The following BCL9L variants were observed in gnomAD, a reference collection of about 807,000 sequenced individuals.
BCL9L encodes the protein BCL9 like.
In BCL9L, 19 loss-of-function variants were observed where a neutral mutation model predicts 99.4. The ratio of observed to expected loss-of-function variants is 0.19; its 90% confidence interval spans 0.13 to 0.28. The LOEUF (loss-of-function observed/expected upper bound fraction) is 0.28, where lower values mean the gene tolerates loss of function less well. BCL9L is among the 10% of genes least tolerant of loss of function. The pLI is 1.00. For synonymous variants in BCL9L, 900 were observed against 854.8 expected, an observed-to-expected ratio of 1.05 and a Z score of -0.92; for missense variants, 2,023 against 2,101.6, an observed-to-expected ratio of 0.96 and a Z score of 0.73.
intron 2 of BCL9L, chr11:118,910,988 A>G (rs528063587): frequency 8.5e-5 from 23 of 270,488 alleles, no homozygotes; most frequent in Non-Finnish European, 1.4e-4. Context: ...GCACGCGCAG[A>G]CACCGGGGCT....
Position 118,903,049 on chromosome 11 carries a change from G to A in BCL9L, c.775C>T (p.Arg259Trp), listed in dbSNP as rs373590068. The A allele has an allele frequency of 6.9e-6, 11 of 1,588,100 alleles. No homozygotes were observed. Among genetic ancestry groups the A allele is most frequent in the African/African-American group, 2.7e-5 (2 of 74,636 alleles). Residue 259 changes from arginine to tryptophan, a missense_variant, in exon 7 of 10, where the codon CGG becomes TGG. Transcript: ENST00000683865. The surrounding 1 kb of genome is among the most constrained non-coding windows in gnomAD (Gnocchi z 5.6). ...TGGTAGGCGAGGATGGAGTCGGCCC[G>A]GCCCTGCAGCACTGCCTCTGCAGCC... Reference protein sequence around the residue: ...NTAAEAVLQGRADSILAYHQQ... With the variant: ...NTAAEAVLQGWADSILAYHQQ...
chr11:118,908,548 G>C lies in BCL9L; in HGVS notation c.134C>G (p.Thr45Ser). The C allele has an allele frequency of 1.2e-6, 2 of 1,614,144 alleles. No homozygotes were observed. Among genetic ancestry groups the C allele is most frequent in the Middle Eastern group, 1.7e-4 (1 of 6,058 alleles). Residue 45 changes from threonine to serine, a missense_variant, in exon 4 of 10, where the codon ACC (threonine) becomes AGC (serine). By Grantham distance (58) the Thr-to-Ser change is moderately conservative. Transcript: ENST00000683865. ...AKPMHPENKLTNHGKTGNGGA... is the reference protein window; with the variant it reads ...AKPMHPENKLSNHGKTGNGGA... ...GCCATTCCCTGTCTTGCCATGATTGGTCAATTTATTTTCTGGGTGCATTGG... is the reference window on the plus strand; with the variant it reads ...GCCATTCCCTGTCTTGCCATGATTGCTCAATTTATTTTCTGGGTGCATTGG...
Position 118,899,445 on chromosome 11 carries a change from C to A in BCL9L, c.3470G>T (p.Gly1157Val). Residue 1157 changes from glycine to valine, a missense_variant, in exon 10 of 10, where the codon GGC (glycine) becomes GTC (valine). Transcript: ENST00000683865. ...LNSAAAQSPM[G>V]MNLPGQQPLS... ...GGGCTGCTGGCCTGGCAGGTTCATG[C>A]CCATAGGGCTCTGGGCAGCGGCTGA... 6.2e-7 allele frequency: 1 copy of A among 1,604,200 alleles called. No homozygotes were observed. Among genetic ancestry groups the A allele is most frequent in the Non-Finnish European group, 8.5e-7 (1 of 1,177,226 alleles).
intron 4 of BCL9L, 53 bp from the exon 5 acceptor site, chr11:118,907,655 C>T (rs2137718842): frequency 6.3e-7 from 1 of 1,599,644 alleles, no homozygotes; most frequent in South Asian, 1.1e-5. Flanking sequence ...CCATTATTCT[C>T]CCACACCCAG....
Position 118,907,497 on chromosome 11 carries a change from A to G in BCL9L, c.518T>C (p.Ile173Thr), listed in dbSNP as rs1591988623. The G allele has an allele frequency of 4.3e-6, 7 of 1,614,152 alleles. No homozygotes were observed. The highest frequency in any genetic ancestry group is 4.5e-5 in the East Asian group (2 of 44,878). Reference sequence around the variant, plus strand: ...CAGGCACTCACTGTGGGTGGCCCCAATGGGCTTGTCGTCCTCCTCACTGTC... The same window carrying G: ...CAGGCACTCACTGTGGGTGGCCCCAGTGGGCTTGTCGTCCTCCTCACTGTC... ...GPDSEEDDKP[I>T]GATHNCNVAD... Residue 173 changes from isoleucine (I) to threonine (T), a missense_variant, in exon 5 of 10, where the codon ATT (isoleucine) becomes ACT (threonine). Around this residue, in one of 3 missense-constraint regions of BCL9L, gnomAD observed 1,116 missense variants for 1,194.6 expected, o/e 0.93. Transcript: ENST00000683865.
At position 118,902,592 on chromosome 11, in the gene BCL9L, G is replaced by C. The variant is rs1464142690; in HGVS notation, c.1151C>G (p.Ala384Gly). Residue 384 changes from alanine (A) to glycine (G), a missense_variant, in exon 8 of 10, where the codon GCC (alanine) becomes GGC (glycine). Around this residue, in one of 3 missense-constraint regions of BCL9L, gnomAD observed 1,116 missense variants for 1,194.6 expected, o/e 0.93. Coordinates refer to ENST00000683865, the MANE Select transcript of BCL9L (RefSeq NM_001378213.1). The surrounding 1 kb of genome is among the most constrained non-coding windows in gnomAD (Gnocchi z 7.8). Reference protein sequence around the residue: ...APGPALLGEAAAPGNGQRSLV... With the variant: ...APGPALLGEAGAPGNGQRSLV... ...GCTGCGCTGCCCATTTCCAGGGGCG[G>C]CTGCCTCCCCCAGCAGGGCAGGGCC... 6.2e-7 allele frequency: 1 copy of C among 1,600,150 alleles called. No individual in the cohort carries two copies. Among genetic ancestry groups the C allele is most frequent in the Non-Finnish European group, 8.5e-7 (1 of 1,179,814 alleles).
At chr11:118,916,327 T>C (rs1940961972) in intron 2 of BCL9L, among the ~76,000 whole-genome samples, 1 of 152,152 alleles carries the variant, frequency 6.6e-6, no homozygotes, top group Non-Finnish European at 1.5e-5. Context: ...CACATCTTAG[T>C]CCCCAGAAGA....
At chr11:118,908,235 G>T (rs748255211) in intron 4 of BCL9L, 35 bp downstream of exon 4, 44 of 1,518,636 alleles carry the variant, frequency 2.9e-5, no homozygotes, top group Non-Finnish European at 3.9e-5. Context: ...GACTATGGGA[G>T]ATGCTAGGGT....
At position 118,900,237 on chromosome 11, in the gene BCL9L, G is replaced by C. The variant is rs78694822; in HGVS notation, c.3125-39C>G. On this transcript the variant is annotated intron_variant, in intron 8 of 9. Transcript: ENST00000683865. The surrounding 1 kb of genome is among the most constrained non-coding windows in gnomAD (Gnocchi z 5.3). ...GAGACAAAGAGAGCAGGGGTGACTG[G>C]GGAGGGGCAGATGAGTTTGGCTGTG... The C allele has an allele frequency of 0.012, 17,740 of 1,536,084 alleles. 383 individuals are homozygous for C. Among genetic ancestry groups the C allele is most frequent in the East Asian group, 0.094 (4,110 of 43,912 alleles).
chr11:118,916,042 G>T (rs1222690000), intron 2 of BCL9L, among the ~76,000 whole-genome samples: 1 of 152,180 alleles, frequency 6.6e-6, no homozygotes, highest in East Asian at 1.9e-4. Flanking sequence ...GCCCCAGCCC[G>T]ATCCCAAAAA....
intron 9 of BCL9L, 21 bp from the exon 10 acceptor site, chr11:118,899,529 G>A: frequency 6.2e-7 from 1 of 1,604,586 alleles, no homozygotes; most frequent in Non-Finnish European, 8.5e-7. Context: ...TAGAAGACAG[G>A]GGGTCAGGCA....
In BCL9L at chr11:118,907,590, C is replaced by T. The variant is rs1940577850; in HGVS notation, c.425G>A (p.Arg142Gln). The change falls in exon 5 of 10, where the codon CGG becomes CAG. Residue 142 changes from arginine (R) to glutamine (Q), a missense_variant. Around this residue, in one of 3 missense-constraint regions of BCL9L, gnomAD observed 1,116 missense variants for 1,194.6 expected, o/e 0.93. Transcript: ENST00000683865. ...LDSEAKEVAP[R>Q]SKRRCVLERK... ...CTCCAGCACACAGCGCCGCTTACTC[C>T]GCGGCGCCACCTCTGCCCAGGCAGG... 1.9e-6 allele frequency: 3 copies of T among 1,613,086 alleles called. No individual in the cohort carries two copies. The highest frequency in any genetic ancestry group is 2.5e-6 in the Non-Finnish European group (3 of 1,180,028).
chr11:118,904,074 C>T (rs897994972), intron 5 of BCL9L, among the ~76,000 whole-genome samples: 17 of 152,206 alleles, frequency 1.1e-4, no homozygotes, highest in African/African-American at 3.6e-4. Context: ...CCTCCTTGCA[C>T]AGGGGGCAGG....
rs1358710450 is a variant in BCL9L, at chr11:118,899,235, G to C, written c.3680C>G (p.Pro1227Arg). 1 of 1,513,786 alleles carries C rather than the reference G, an allele frequency of 6.6e-7. No individual in the cohort carries two copies. Among genetic ancestry groups the C allele is most frequent in the South Asian group, 1.3e-5 (1 of 74,780 alleles). 93.8% of individuals were successfully genotyped at this position (1,513,786 alleles called of 1,614,324 possible). Residue 1227 changes from proline to arginine, a missense_variant, in exon 10 of 10, where the codon CCC becomes CGC. Physicochemically the swap from Pro to Arg is moderately radical, Grantham distance 103. This residue lies in a region of BCL9L where 902 missense variants were observed against 888.2 expected (regional missense o/e 1.02). Coordinates refer to ENST00000683865, the MANE Select transcript of BCL9L (RefSeq NM_001378213.1). The stretch of plus-strand genomic sequence containing the variant: ...GGGCTGCTGCAGCCGAGGGGGGAAG[G>C]GCATCATCTGGGAGGAGCTGGGCAC... ...GPVPSSSQMMPFPPRLQQPHG... is the reference protein window; with the variant it reads ...GPVPSSSQMMRFPPRLQQPHG...
intron 3 of BCL9L, among the ~76,000 whole-genome samples, chr11:118,909,266 G>A (rs1940673538): frequency 6.6e-6 from 1 of 152,196 alleles, no homozygotes; most frequent in South Asian, 2.1e-4. Flanking sequence ...AAGGGGGAGG[G>A]GAGCGGTGTG....
chr11:118,925,538 C>G lies in BCL9L; in HGVS notation c.-431G>C, dbSNP rs1467982729. ...GGGCCGGGGCGCGGGGCCGGGGTCTCGGCCCCGAACCTCAGGGCTCCGGCT... is the reference window on the plus strand; with the variant it reads ...GGGCCGGGGCGCGGGGCCGGGGTCTGGGCCCCGAACCTCAGGGCTCCGGCT... On this transcript the variant is annotated 5_prime_UTR_variant, in exon 1 of 10. Coordinates refer to ENST00000683865, the MANE Select transcript of BCL9L (RefSeq NM_001378213.1). The surrounding 1 kb of genome is among the most constrained non-coding windows in gnomAD (Gnocchi z 6.4). 2 of 152,158 alleles carry G rather than the reference C, an allele frequency of 1.3e-5. No homozygotes were observed. The highest frequency in any genetic ancestry group is 4.8e-5 in the African/African-American group (2 of 41,428). The allele number at this position is 152,158 out of a possible 1,614,324, so 9.4% of individuals were successfully genotyped here.
At position 118,898,550 on chromosome 11, in the gene BCL9L, C is replaced by A; in HGVS notation, c.4365G>T (p.Pro1455=). ...VYSQPPHMLS[P]QGSLMGPPPQ... ...GCGGGGGGCCCATGAGGGAGCCCTG[C>A]GGGGAGAGCATGTGGGGCGGCTGGC... Residue 1455 remains proline, a synonymous_variant, in exon 10 of 10, where the codon CCG becomes CCT. Transcript: ENST00000683865. 6.2e-7 allele frequency: 1 copy of A among 1,605,506 alleles called. No individual in the cohort carries two copies. Among genetic ancestry groups the A allele is most frequent in the Non-Finnish European group, 8.5e-7 (1 of 1,175,264 alleles).
intron 4 of BCL9L, among the ~76,000 whole-genome samples, chr11:118,907,941 C>T (rs978512575): frequency 7.2e-5 from 11 of 152,200 alleles, no homozygotes; most frequent in African/African-American, 1.4e-4. Context: ...AGCCGGGATA[C>T]GGAGGCTCCT....
intron 3 of BCL9L, among the ~76,000 whole-genome samples, chr11:118,908,956 C>CCAT (rs1328135358): frequency 6.6e-6 from 1 of 152,174 alleles, no homozygotes; most frequent in Non-Finnish European, 1.5e-5. Context: ...CCCAAAACAC[C>CCAT]CATCAGCCTG....
Sources: gnomAD v4.1 joint callset for allele counts (sites outside exome capture counted in the v4.1 genomes callset) on GRCh38, gnomAD v4.1.1 for gene constraint, gnomAD v4.1.1 regional missense constraint, Gnocchi (gnomAD v3.1) non-coding constraint, MANE v1.5 for transcripts, NCBI Gene and HGNC (gene_info 2026-07-23, HGNC 2026-07-21) for gene names.